Variants in ZNF141 observed in about 807,000 individuals in gnomAD.
The protein encoded by ZNF141 is zinc finger protein 141, also known as zinc finger protein 141 (clone pHZ-44).
A neutral mutation model predicts 11.3 loss-of-function variants in ZNF141; 7 were observed. The ratio of observed to expected loss-of-function variants is 0.62; its 90% CI spans 0.35 to 1.16. The LOEUF is 1.16. Ranked by LOEUF, ZNF141 falls within the 50% of genes most tolerant of loss-of-function variation. The pLI, the probability that ZNF141 is intolerant of heterozygous loss-of-function variation, is 0.02. For synonymous variants in ZNF141, 183 were observed against 190.7 expected (o/e 0.96, Z 0.33); for missense variants, 535 against 554.0 (o/e 0.97, Z 0.34).
chr4:342,894 G>A (rs1721118150), intron 1 of ZNF141: 1 of 1,602,596 alleles, frequency 6.2e-7, no homozygotes. Flanking sequence ...GACTGCCGAA[G>A]TCCAAAAGCT....
intron 3 of ZNF141, among the ~76,000 whole-genome samples, chr4:363,413 G>C (rs907847177): frequency 3.9e-5 from 6 of 152,136 alleles, no homozygotes; most frequent in Non-Finnish European, 7.3e-5. Flanking sequence ...ACACTATGTT[G>C]AATAGGAGTG....
rs201015672 is a variant in ZNF141 at position 373,654 on chromosome 4, G to T, written c.1217G>T (p.Arg406Leu). 1,047 of 1,613,862 alleles carry T rather than the reference G, an allele frequency of 6.5e-4. No individual in the cohort carries two copies. Among genetic ancestry groups the T allele is most frequent in the Non-Finnish European group, 8.3e-4 (983 of 1,179,968 alleles). The change falls in exon 4 of 4, where the codon CGG becomes CTG. Residue 406 changes from arginine to leucine, a missense_variant. Coordinates refer to ENST00000240499, the MANE Select transcript of ZNF141 (RefSeq NM_003441.4). The stretch of plus-strand genomic sequence containing the variant: ...GAAGAATGTGGCAAAGCCTTTAGAC[G>T]GTCCACAGATCGGAGTCAACATAAG... ...KCEECGKAFR[R>L]STDRSQHKKI... is the part of the protein sequence containing the mutation.
intron 3 of ZNF141, chr4:350,193 T>A (rs781875403): frequency 1.1e-5 from 6 of 534,690 alleles, no homozygotes; most frequent in Non-Finnish European, 2.3e-5. Context: ...CATTTCCTTG[T>A]CTGTAGCCAT....
At chr4:339,057 C>G (rs1720928078) in intron 1 of ZNF141, among the ~76,000 whole-genome samples, 1 of 152,250 alleles carries the variant, frequency 6.6e-6, no homozygotes, top group Non-Finnish European at 1.5e-5. Context: ...CTGCCAGCCC[C>G]CACCCAATGC....
rs868936951 is a variant in ZNF141 at position 382,008 on chromosome 4, C to T, written c.*8146C>T. Among the ~76,000 whole-genome samples, 2 of 146,148 alleles carry T rather than the reference C, an allele frequency of 1.4e-5. No homozygotes were observed. Among genetic ancestry groups the T allele is most frequent in the Non-Finnish European group, 3.0e-5 (2 of 67,328 alleles). ...TCGCCCAGGCTGGAGTGCAGTGGCTCGATCTCGGCTCACTGCAAGCTCCAC... is the reference window on the plus strand; with the variant it reads ...TCGCCCAGGCTGGAGTGCAGTGGCTTGATCTCGGCTCACTGCAAGCTCCAC... On this transcript the variant is annotated 3_prime_UTR_variant, in exon 4 of 4. Coordinates refer to ENST00000240499, the MANE Select transcript of ZNF141 (RefSeq NM_003441.4).
chr4:363,458 CA>C (rs1387346981), intron 3 of ZNF141, among the ~76,000 whole-genome samples: 10 of 152,124 alleles, frequency 6.6e-5, no homozygotes, highest in Non-Finnish European at 1.3e-4. Flanking sequence ...TGCCAGTTTT[CA>C]AAGGGAATGC....
rs558363849 is a variant in ZNF141, at chr4:384,495, C to G, written c.*10633C>G. On this transcript the variant is annotated 3_prime_UTR_variant, in exon 4 of 4. Transcript: ENST00000240499. Reference sequence around the variant, plus strand: ...ATGCCAGGGTGTTGATCAGAAGAGACTGTCCCACTTAGGCCCAGGTGTAAT... The same window carrying G: ...ATGCCAGGGTGTTGATCAGAAGAGAGTGTCCCACTTAGGCCCAGGTGTAAT... The G allele has an allele frequency of 6.6e-6, 1 of 152,364 alleles. No individual in the cohort carries two copies. Among genetic ancestry groups the G allele is most frequent in the African/African-American group, 2.4e-5 (1 of 41,568 alleles). The allele number at this position is 152,364 out of a possible 1,614,324, so 9.4% of individuals were successfully genotyped here. A position where few individuals can be genotyped will look rare whatever the true frequency, so the allele number is the denominator to read the frequency against.
At chr4:369,939 G>A (rs992496187) in intron 3 of ZNF141, among the ~76,000 whole-genome samples, 5 of 150,582 alleles carry the variant, frequency 3.3e-5, no homozygotes, top group Non-Finnish European at 7.4e-5. Flanking sequence ...GCTAATTTTT[G>A]TATTTTTAGT....
At chr4:342,341 T>C (rs1423831694) in intron 1 of ZNF141, among the ~76,000 whole-genome samples, 3 of 152,196 alleles carry the variant, frequency 2.0e-5, no homozygotes, top group Non-Finnish European at 4.4e-5. Flanking sequence ...TGTAACCTTA[T>C]AGGGTCTGCA....
Position 374,458 on chromosome 4 carries a change from C to A in ZNF141, c.*596C>A, listed in dbSNP as rs1712262083. ...ATTTATACCAGAGAGAAACCCTACACATGTAAAGAATGTGGCAAAGCCTTC... is the reference window on the plus strand; with the variant it reads ...ATTTATACCAGAGAGAAACCCTACAAATGTAAAGAATGTGGCAAAGCCTTC... On this transcript the variant is annotated 3_prime_UTR_variant, in exon 4 of 4. Coordinates refer to ENST00000240499, the MANE Select transcript of ZNF141 (RefSeq NM_003441.4). 2 of 333,586 alleles carry A rather than the reference C, an allele frequency of 6.0e-6. No homozygotes were observed. Among genetic ancestry groups the A allele is most frequent in the South Asian group, 2.8e-5 (1 of 35,222 alleles). 20.7% of individuals were successfully genotyped at this position (333,586 alleles called of 1,614,324 possible).
intron 3 of ZNF141, among the ~76,000 whole-genome samples, chr4:363,759 A>G (rs1553852558): frequency 7.2e-6 from 1 of 138,122 alleles, no homozygotes; most frequent in East Asian, 2.1e-4. Flanking sequence ...CTCTGTCTCC[A>G]AAAAAAAAAA....
intron 3 of ZNF141, among the ~76,000 whole-genome samples, chr4:360,254 CATATGTTCCG>C (rs1166501612): frequency 3.3e-5 from 5 of 152,094 alleles, no homozygotes; most frequent in Non-Finnish European, 5.9e-5. Context: ...CTTGCTATGC[CATATGTTCCG>C]ATATGTTCTA....
chr4:358,798 TCTC>T (rs1441000109), intron 3 of ZNF141, among the ~76,000 whole-genome samples: 3 of 152,038 alleles, frequency 2.0e-5, no homozygotes, highest in African/African-American at 7.2e-5. Context: ...ATGGTCACGA[TCTC>T]CTGACCTTGT....
chr4:375,256 A>G lies in ZNF141; in HGVS notation c.*1394A>G, dbSNP rs924240736. The stretch of plus-strand genomic sequence containing the variant: ...GAAGAGTATTCTTAAGACAAACAAT[A>G]CAAATATAAAGAGGGTTGTAGTACC... On this transcript the variant is annotated 3_prime_UTR_variant, in exon 4 of 4. Coordinates refer to ENST00000240499, the MANE Select transcript of ZNF141 (RefSeq NM_003441.4). 2 of 152,130 alleles carry G rather than the reference A, an allele frequency of 1.3e-5. No homozygotes were observed. Among genetic ancestry groups the G allele is most frequent in the Non-Finnish European group, 2.9e-5 (2 of 67,972 alleles). 9.4% of individuals were successfully genotyped at this position (152,130 alleles called of 1,614,324 possible). A position where few individuals can be genotyped will look rare whatever the true frequency, so the allele number is the denominator to read the frequency against.
At chr4:365,129 C>T (rs1266941460) in intron 3 of ZNF141, among the ~76,000 whole-genome samples, 1 of 152,234 alleles carries the variant, frequency 6.6e-6, no homozygotes, top group African/African-American at 2.4e-5. Flanking sequence ...GGTGTGGGAC[C>T]TGGCAAGCCA....
chr4:357,902 G>A lies in ZNF141; in HGVS notation c.226+13472G>A, dbSNP rs1265188255. On this transcript the variant is annotated intron_variant, in intron 3 of 3. Transcript: ENST00000240499. ...TTCTTTTTTTCTTTTTGTATTTGTA[G>A]TAGAGACAGGATTTCGCCATGTTGG... 2.0e-5 allele frequency among the ~76,000 whole-genome samples: 3 copies of A among 151,586 alleles called. No individual in the cohort carries two copies. In the East Asian group the frequency reaches 5.8e-4, roughly 29 times the overall value.
intron 3 of ZNF141, chr4:358,122 A>G: frequency 3.0e-6 from 1 of 334,776 alleles, no homozygotes; most frequent in South Asian, 2.2e-5. Context: ...TTGTTGTTAA[A>G]TTTTTTAGTT....
Position 377,765 on chromosome 4 carries a change from A to G in ZNF141, c.*3903A>G, listed in dbSNP as rs1339079974. ...TATCATAAAGTGTGTAAAATGTAAC[A>G]AAAGTTAGAATAAGTAAAACATTAA... is the stretch of plus-strand genomic sequence containing the variant. On this transcript the variant is annotated 3_prime_UTR_variant, in exon 4 of 4. Coordinates refer to ENST00000240499, the MANE Select transcript of ZNF141 (RefSeq NM_003441.4). 6.6e-6 allele frequency among the ~76,000 whole-genome samples: 1 copy of G among 152,242 alleles called. No individual in the cohort carries two copies. The highest frequency in any genetic ancestry group is 1.9e-4 in the East Asian group (1 of 5,200).
At chr4:346,576 G>T (rs920993091) in intron 3 of ZNF141, among the ~76,000 whole-genome samples, 4 of 152,100 alleles carry the variant, frequency 2.6e-5, no homozygotes, top group Non-Finnish European at 4.4e-5. Context: ...AGGTTTCTCA[G>T]ATTTACTCAA....
Sources: allele counts gnomAD v4.1 joint callset (sites outside exome capture counted in the v4.1 genomes callset), GRCh38; gene constraint gnomAD v4.1.1; transcripts MANE v1.5; gene names NCBI Gene and HGNC (gene_info 2026-07-23, HGNC 2026-07-21).